The following FYB2 variants were observed in gnomAD, a reference collection of about 807,000 sequenced individuals.
FYB2 encodes the protein FYN-binding protein 2.
In FYB2, 103 loss-of-function variants were observed where a neutral mutation model predicts 94.1. The ratio of observed to expected loss-of-function variants is 1.09; its 90% CI spans 0.93 to 1.29. The LOEUF is 1.29. Ranked by LOEUF, FYB2 falls within the 50% of genes most tolerant of loss-of-function variation. The pLI is 0.00. For synonymous variants in FYB2, 293 were observed against 287.9 expected, an observed-to-expected ratio of 1.02 and a Z score of -0.18; for missense variants, 896 against 841.5, an observed-to-expected ratio of 1.06 and a Z score of -0.80.
intron 17 of FYB2, among the ~76,000 whole-genome samples, chr1:56,721,689 T>A (rs935168395): frequency 8.5e-5 from 13 of 152,070 alleles, no homozygotes; most frequent in Non-Finnish European, 1.6e-4. Context: ...TTTGTCCCCT[T>A]TACTGAAGCT....
At chr1:56,793,326 G>A (rs1646318131) in intron 1 of FYB2, among the ~76,000 whole-genome samples, 1 of 152,166 alleles carries the variant, frequency 6.6e-6, no homozygotes, top group African/African-American at 2.4e-5. Context: ...TTTGGTTTGT[G>A]TTCTTGCTTC....
chr1:56,719,763 A>G, intron 19 of FYB2, 71 bp from the exon 20 acceptor site: 1 of 1,324,174 alleles, frequency 7.6e-7, no homozygotes, highest in Non-Finnish European at 1.0e-6. Context: ...GGAGATTTCT[A>G]GGGAATTTCT....
At chr1:56,779,514 T>G (rs1359919496) in intron 4 of FYB2, among the ~76,000 whole-genome samples, 3 of 152,216 alleles carry the variant, frequency 2.0e-5, no homozygotes, top group African/African-American at 7.2e-5. Context: ...CAGATTGTCC[T>G]AATTAGTTAG....
intron 4 of FYB2, among the ~76,000 whole-genome samples, chr1:56,778,660 A>C (rs1372272365): frequency 6.6e-6 from 1 of 152,206 alleles, no homozygotes; most frequent in African/African-American, 2.4e-5. Flanking sequence ...AATCAAATGA[A>C]TATTATCAAT....
intron 11 of FYB2, 73 bp downstream of exon 11, chr1:56,743,953 C>G: frequency 6.8e-7 from 1 of 1,471,504 alleles, no homozygotes; most frequent in Non-Finnish European, 9.3e-7. Flanking sequence ...TAAAAGACAT[C>G]TTATCACTAA....
Position 56,792,339 on chromosome 1 carries a change from G to A in FYB2, c.474C>T (p.Leu158=). 1 of 1,614,114 alleles carries A rather than the reference G, an allele frequency of 6.2e-7. No individual in the cohort carries two copies. The highest frequency in any genetic ancestry group is 8.5e-7 in the Non-Finnish European group (1 of 1,180,014). Residue 158 remains leucine, a synonymous_variant, in exon 2 of 20, where the codon CTC becomes CTT. Coordinates refer to ENST00000343433, the MANE Select transcript of FYB2 (RefSeq NM_001004303.5). ...SQKSEMSSAL[L]LANYGSKAIH... Reference sequence around the variant, plus strand: ...TGGCCTTACTTCCATAGTTGGCAAGGAGAAGGGCTGAAGACATTTCACTTT... The same window carrying A: ...TGGCCTTACTTCCATAGTTGGCAAGAAGAAGGGCTGAAGACATTTCACTTT...
At chr1:56,772,936 A>G (rs1011332418) in intron 4 of FYB2, among the ~76,000 whole-genome samples, 3 of 152,170 alleles carry the variant, frequency 2.0e-5, no homozygotes, top group African/African-American at 4.8e-5. Context: ...GTGGCATAGC[A>G]TCAGGTTTCT....
chr1:56,792,192 A>G lies in FYB2; in HGVS notation c.621T>C (p.His207=). 6.2e-7 allele frequency: 1 copy of G among 1,614,046 alleles called. No homozygotes were observed. Among genetic ancestry groups the G allele is most frequent in the Non-Finnish European group, 8.5e-7 (1 of 1,179,974 alleles). ...CAAAAGAGGGATCTTCAGAGACGTT[A>G]TGTAATATTTTGGGGGCCACCACGT... ...QKHVVAPKIL[H]NVSEDPSFVI... is the part of the protein sequence containing the mutation. Residue 207 remains histidine, a synonymous_variant, in exon 2 of 20, where the codon CAT becomes CAC. Transcript: ENST00000343433.
rs771916096 is a variant in FYB2, at chr1:56,767,857, G to A, written c.1035C>T (p.Asn345=). 6 of 1,611,734 alleles carry A rather than the reference G, an allele frequency of 3.7e-6. No individual in the cohort carries two copies. In the African/African-American group the frequency reaches 5.3e-5, roughly 14 times the overall value. ...CAGCAATTTCTTTTGCAGTGCACAGGTTAATGGAGTTGCCAGAGTGTCTCA... is the reference window on the plus strand; with the variant it reads ...CAGCAATTTCTTTTGCAGTGCACAGATTAATGGAGTTGCCAGAGTGTCTCA... ...SYLRHSGNSI[N]LCTAKEIADP... is the part of the protein sequence containing the mutation. The change falls in exon 5 of 20, where the codon AAC becomes AAT. Residue 345 remains asparagine, a synonymous_variant. Coordinates refer to ENST00000343433, the MANE Select transcript of FYB2 (RefSeq NM_001004303.5).
intron 16 of FYB2, among the ~76,000 whole-genome samples, chr1:56,725,516 C>A (rs1418759529): frequency 1.3e-5 from 2 of 152,012 alleles, no homozygotes; most frequent in South Asian, 4.1e-4. Flanking sequence ...TATCAACATA[C>A]TAAAAAGCTT....
chr1:56,772,605 A>G (rs766991703), intron 4 of FYB2, among the ~76,000 whole-genome samples: 8 of 152,196 alleles, frequency 5.3e-5, no homozygotes, highest in Non-Finnish European at 7.3e-5. Flanking sequence ...CTACAGGACT[A>G]TAGACACTAC....
chr1:56,759,981 AG>A (rs1380679694), intron 5 of FYB2, among the ~76,000 whole-genome samples: 3 of 150,778 alleles, frequency 2.0e-5, no homozygotes, highest in Admixed American at 6.7e-5. Context: ...CTGGAGGCTG[AG>A]GCAGGAGAAT....
chr1:56,769,025 A>T (rs1003551679), intron 4 of FYB2, among the ~76,000 whole-genome samples: 2 of 152,040 alleles, frequency 1.3e-5, no homozygotes, highest in African/African-American at 4.8e-5. Context: ...TTGGTGAATT[A>T]TTATCATTAG....
chr1:56,768,979 G>T (rs61765517), intron 4 of FYB2, among the ~76,000 whole-genome samples: 3,826 of 152,108 alleles, frequency 0.025, 58 homozygotes, highest in African/African-American at 0.035. Context: ...TTAATGTAGA[G>T]GCTGAAAAGT....
intron 2 of FYB2, among the ~76,000 whole-genome samples, chr1:56,789,419 C>A (rs75638102): frequency 2.6e-5 from 4 of 152,194 alleles, no homozygotes; most frequent in Admixed American, 6.5e-5. Flanking sequence ...TGCTTCCCCC[C>A]ACTTAAAGCC....
chr1:56,800,749 G>C (rs1313331034), intron 1 of FYB2, among the ~76,000 whole-genome samples: 1 of 152,124 alleles, frequency 6.6e-6, no homozygotes, highest in Admixed American at 6.6e-5. Flanking sequence ...GCCTCCTCTA[G>C]TTGCAAGCAC....
intron 1 of FYB2, 126 bp from the exon 2 acceptor site, chr1:56,792,929 G>A: frequency 1.0e-6 from 1 of 979,548 alleles, no homozygotes; most frequent in Non-Finnish European, 1.5e-6. Flanking sequence ...ATCTCACCAT[G>A]TTAAGGGACT....
intron 4 of FYB2, among the ~76,000 whole-genome samples, chr1:56,771,173 A>G (rs1645745397): frequency 6.6e-6 from 1 of 151,522 alleles, no homozygotes; most frequent in Non-Finnish European, 1.5e-5. Context: ...TAGGAGAATG[A>G]TTACTGAAGC....
chr1:56,739,029 A>G (rs191008796), intron 13 of FYB2, among the ~76,000 whole-genome samples: 119 of 152,214 alleles, frequency 7.8e-4, no homozygotes, highest in African/African-American at 2.8e-3. Flanking sequence ...ATGAGACACC[A>G]TGGCAGAGTC....
Sources: gnomAD v4.1 joint callset for allele counts (sites outside exome capture counted in the v4.1 genomes callset) on GRCh38, gnomAD v4.1.1 for gene constraint, MANE v1.5 for transcripts, NCBI Gene and HGNC (gene_info 2026-07-23, HGNC 2026-07-21) for gene names.